The following MAP4K5 variants were observed in gnomAD, a reference collection of about 807,000 sequenced individuals.
MAP4K5 encodes MAPK/ERK kinase kinase kinase 5.
In MAP4K5, 82 loss-of-function variants were observed where a neutral mutation model predicts 135.6. The observed-to-expected ratio is 0.60, with a 90% confidence interval of 0.51 to 0.73. The LOEUF is 0.73. Among genes scored for constraint, MAP4K5 ranks in the 30% least tolerant of loss-of-function variants. The pLI is 0.00. For synonymous variants in MAP4K5, 347 were observed against 335.0 expected, an observed-to-expected ratio of 1.04 and a Z score of -0.39; for missense variants, 907 against 1,010.9, an observed-to-expected ratio of 0.90 and a Z score of 1.39.
chr14:50,522,810 C>T (rs561268676), intron 2 of MAP4K5, among the ~76,000 whole-genome samples: 1 of 152,214 alleles, frequency 6.6e-6, no homozygotes, highest in Non-Finnish European at 1.5e-5. Context: ...GTTTTGATAT[C>T]AAATGTCAGA....
At position 50,485,903 on chromosome 14, in the gene MAP4K5, T is replaced by C; in HGVS notation, c.257+201A>G. On this transcript the variant is annotated intron_variant, in intron 4 of 32. Coordinates refer to ENST00000682126, the MANE Select transcript of MAP4K5 (RefSeq NM_006575.6). ...CTTATGTTTCATTAAAATTGCCAGA[T>C]GAGGTACAACTATAAAAATGGGAGT... The C allele has an allele frequency of 9.4e-6, 5 of 534,548 alleles. No homozygotes were observed. In the East Asian group the frequency reaches 1.6e-4, roughly 17 times the overall value. 33.1% of individuals were successfully genotyped at this position (534,548 alleles called of 1,614,324 possible).
At chr14:50,549,818 A>G (rs1397619074) in intron 1 of MAP4K5, among the ~76,000 whole-genome samples, 2 of 152,192 alleles carry the variant, frequency 1.3e-5, no homozygotes, top group African/African-American at 2.4e-5. Context: ...CAGAATGGCT[A>G]AGTTCCCTGG....
rs573643054 is a variant in MAP4K5 at position 50,525,290 on chromosome 14, T to C, written c.108+6652A>G. On this transcript the variant is annotated intron_variant, in intron 2 of 32. Coordinates refer to ENST00000682126, the MANE Select transcript of MAP4K5 (RefSeq NM_006575.6). ...TTCCTAACTCTGTTGATAGCATCAA[T>C]GTAGTCACTCAAGCCAGAAATTCTA... Among the ~76,000 whole-genome samples, 6 of 152,328 alleles carry C rather than the reference T, an allele frequency of 3.9e-5. No individual in the cohort carries two copies. The East Asian group carries it at 7.7e-4, about 20-fold the overall frequency.
chr14:50,429,322 C>A, intron 28 of MAP4K5, 62 bp from the exon 29 acceptor site: 1 of 982,858 alleles, frequency 1.0e-6, no homozygotes, highest in Non-Finnish European at 1.5e-6. Flanking sequence ...AGAAAATAAA[C>A]ATAAATTCTG....
Position 50,447,420 on chromosome 14 carries a change from G to C in MAP4K5, c.1136C>G (p.Thr379Ser). ...QWNPFVDGAN[T>S]GKSTSKRAIP... The stretch of plus-strand genomic sequence containing the variant: ...AAATTAGAAAACAACTTACTTGCCA[G>C]TATTTGCACCATCAACAAAAGGATT... Residue 379 changes from threonine (T) to serine (S), a missense_variant, in exon 16 of 33, where the codon ACT becomes AGT. By Grantham distance (58) the Thr-to-Ser change is moderately conservative (BLOSUM62 1). Transcript: ENST00000682126. 2 of 1,543,596 alleles carry C rather than the reference G, an allele frequency of 1.3e-6. No homozygotes were observed. Among genetic ancestry groups the C allele is most frequent in the Non-Finnish European group, 1.8e-6 (2 of 1,140,390 alleles).
intron 28 of MAP4K5, among the ~76,000 whole-genome samples, chr14:50,431,556 T>C (rs2035970961): frequency 1.3e-5 from 2 of 152,166 alleles, no homozygotes; most frequent in Non-Finnish European, 2.9e-5. Context: ...TCCAATTTCA[T>C]CCATGTCCCT....
At chr14:50,543,181 C>T (rs1595566825) in intron 1 of MAP4K5, among the ~76,000 whole-genome samples, 1 of 152,336 alleles carries the variant, frequency 6.6e-6, no homozygotes, top group East Asian at 1.9e-4. Flanking sequence ...TGTAAGCTAA[C>T]ATTAGATTCA....
chr14:50,542,470 AAAAG>A (rs1352453819), intron 2 of MAP4K5: 1 of 152,224 alleles, frequency 6.6e-6, no homozygotes. Flanking sequence ...TTAAAAAAAT[AAAAG>A]AAAATAAAAG....
At chr14:50,534,507 A>T (rs946519237), upstream of MAP4K5, among the ~76,000 whole-genome samples, 1 of 152,256 alleles carries the variant, frequency 6.6e-6, no homozygotes, top group Admixed American at 6.5e-5. Context: ...TCCTTTAAGC[A>T]TGTTATTCTT....
rs1377692255 is a variant in MAP4K5, at chr14:50,419,952, AT to A, written c.*66del. 1.9e-5 allele frequency: 21 copies of A among 1,102,842 alleles called. No individual in the cohort carries two copies. The highest frequency in any genetic ancestry group is 2.6e-5 in the Non-Finnish European group (19 of 735,846). The allele number at this position is 1,102,842 out of a possible 1,614,324, so 68.3% of individuals were successfully genotyped here. On this transcript the variant is annotated 3_prime_UTR_variant, in exon 33 of 33. Transcript: ENST00000682126. ...CAAATCATAGTGCAGTTTGTATTGAATTTCCTTATTTTTCCTTTCAATGGAG... is the reference window on the plus strand; with the variant it reads ...CAAATCATAGTGCAGTTTGTATTGAATTCCTTATTTTTCCTTTCAATGGAG...
At chr14:50,549,739 C>T (rs557335850) in intron 1 of MAP4K5, among the ~76,000 whole-genome samples, 39 of 152,278 alleles carry the variant, frequency 2.6e-4, no homozygotes, top group Middle Eastern at 3.4e-3. Context: ...TACCATATAA[C>T]CCAACAGGGG....
Position 50,524,443 on chromosome 14 carries a change from T to C in MAP4K5, c.108+7499A>G, listed in dbSNP as rs2038216540. On this transcript the variant is annotated intron_variant, in intron 2 of 32. Transcript: ENST00000682126. ...ATACTAGGCAATATACTAGTACAGG[T>C]GTTTCAACAGTAAACATAAGATCTC... Among the ~76,000 whole-genome samples the C allele has an allele frequency of 2.0e-5, 3 of 152,042 alleles. No individual in the cohort carries two copies. In the South Asian group the frequency reaches 6.2e-4, roughly 32 times the overall value.
rs750188784 is a variant in MAP4K5 at position 50,435,073 on chromosome 14, G to T, written c.1883-8C>A. 6.6e-7 allele frequency: 1 copy of T among 1,515,834 alleles called. No individual in the cohort carries two copies. The highest frequency in any genetic ancestry group is 1.2e-5 in the South Asian group (1 of 85,074). 93.9% of individuals were successfully genotyped at this position (1,515,834 alleles called of 1,614,324 possible). ...CCGTGTAAGGGTTTCTGACTGGAAA[G>T]AAATAAACAAACAAAAAACCCAGAC... is the stretch of plus-strand genomic sequence containing the variant. On this transcript the variant is annotated splice_region_variant and splice_polypyrimidine_tract_variant and intron_variant, in intron 26 of 32. Coordinates refer to ENST00000682126, the MANE Select transcript of MAP4K5 (RefSeq NM_006575.6).
intron 23 of MAP4K5, 49 bp from the exon 24 acceptor site, chr14:50,438,143 A>T (rs2036141245): frequency 1.4e-6 from 1 of 709,240 alleles, no homozygotes; most frequent in Non-Finnish European, 2.6e-6. Flanking sequence ...AAATAGAAAA[A>T]CACACACAAA....
intron 5 of MAP4K5, among the ~76,000 whole-genome samples, chr14:50,484,922 T>C (rs1270149046): frequency 6.6e-6 from 1 of 152,166 alleles, no homozygotes; most frequent in Non-Finnish European, 1.5e-5. Flanking sequence ...GTAGCTGCAA[T>C]GGGAGTTTTA....
Position 50,532,015 on chromosome 14 carries a change from A to C in MAP4K5, c.35T>G (p.Leu12Arg). The C allele has an allele frequency of 1.3e-6, 2 of 1,593,512 alleles. No individual in the cohort carries two copies. The highest frequency in any genetic ancestry group is 1.7e-6 in the Non-Finnish European group (2 of 1,169,686). ...EAPLRPAADI[L>R]RRNPQQDYEL... ...GTAGTCCTGCTGCGGGTTCCGCCTC[A>C]GGATGTCCGCGGCAGGCCGCAGCGG... Residue 12 changes from leucine (L) to arginine (R), a missense_variant, in exon 2 of 33, where the codon CTG becomes CGG. Coordinates refer to ENST00000682126, the MANE Select transcript of MAP4K5 (RefSeq NM_006575.6).
chr14:50,505,156 T>A (rs2037783196), intron 2 of MAP4K5: 1 of 235,734 alleles, frequency 4.2e-6, no homozygotes, highest in Admixed American at 5.7e-5. Context: ...TTTTTAATTT[T>A]AAAAATCTCA....
intron 2 of MAP4K5, among the ~76,000 whole-genome samples, chr14:50,511,192 T>TTA (rs1324229225): frequency 4.6e-5 from 7 of 152,096 alleles, no homozygotes; most frequent in Admixed American, 1.3e-4. Context: ...GAAAATCTGA[T>TTA]TATATATGCT....
chr14:50,434,654 A>G, intron 27 of MAP4K5, 83 bp from the exon 28 acceptor site: 2 of 1,199,238 alleles, frequency 1.7e-6, no homozygotes, highest in Non-Finnish European at 2.4e-6. Context: ...CAACAGAAAG[A>G]CTCCTATCTT....
Sources: gnomAD v4.1 joint callset for allele counts (sites outside exome capture counted in the v4.1 genomes callset) on GRCh38, gnomAD v4.1.1 for gene constraint, MANE v1.5 for transcripts, NCBI Gene and HGNC (gene_info 2026-07-23, HGNC 2026-07-21) for gene names.